Variants in DTNA observed in about 807,000 individuals in gnomAD.
DTNA encodes the protein dystrobrevin alpha.
DTNA carries 43 observed loss-of-function variants against 100.7 expected under a neutral mutation model. The observed-to-expected ratio is 0.43, with a 90% CI of 0.33 to 0.55. DTNA has a LOEUF of 0.55. DTNA is among the 20% of genes least tolerant of loss of function. DTNA has a pLI of 0.04. For synonymous variants in DTNA, 349 were observed against 347.9 expected (o/e 1.00, Z -0.04); for missense variants, 798 against 953.9 (o/e 0.84, Z 2.15).
chr18:34,827,191 G>C (rs2095877389), intron 9 of DTNA, among the ~76,000 whole-genome samples: 1 of 152,168 alleles, frequency 6.6e-6, no homozygotes, highest in Non-Finnish European at 1.5e-5. Flanking sequence ...ACCTTTCAAA[G>C]CCTCAGGAAT....
chr18:34,678,193 GA>G, intron 1 of DTNA, among the ~76,000 whole-genome samples: 1 of 152,134 alleles, frequency 6.6e-6, no homozygotes, highest in South Asian at 2.1e-4. Flanking sequence ...TCAAGGCGGG[GA>G]CACAGCAAAC....
chr18:34,698,215 G>C (rs1167516043), intron 1 of DTNA, among the ~76,000 whole-genome samples: 2 of 152,178 alleles, frequency 1.3e-5, no homozygotes, highest in East Asian at 3.9e-4. Flanking sequence ...TGAGTGAAGA[G>C]ACTTTTCCCA....
At chr18:34,576,341 A>G (rs1008492864) in intron 1 of DTNA, among the ~76,000 whole-genome samples, 1 of 152,260 alleles carries the variant, frequency 6.6e-6, no homozygotes, top group Non-Finnish European at 1.5e-5. Flanking sequence ...GCAATTGACA[A>G]TCAAGACAAA....
At chr18:34,881,290 G>A (rs909769933) in intron 20 of DTNA, among the ~76,000 whole-genome samples, 1 of 152,058 alleles carries the variant, frequency 6.6e-6, no homozygotes, top group Non-Finnish European at 1.5e-5. Context: ...GACTCTTTTA[G>A]TCCTATGATT....
intron 4 of DTNA, among the ~76,000 whole-genome samples, chr18:34,801,409 T>C (rs955236798): frequency 6.6e-5 from 10 of 152,194 alleles, no homozygotes; most frequent in African/African-American, 2.2e-4. Flanking sequence ...AAGACTATAA[T>C]GGAGAAAATG....
rs905349922 is a variant in DTNA, at chr18:34,639,830, T to C, written c.-1-116146T>C. On this transcript the variant is annotated intron_variant, in intron 1 of 19. Coordinates refer to the DTNA transcript ENST00000283365. ...CATGGAGTCTTAGTGCTTCTCTCTATTTAGAAATGAAGAGGGACTGCAAGC... is the reference window on the plus strand; with the variant it reads ...CATGGAGTCTTAGTGCTTCTCTCTACTTAGAAATGAAGAGGGACTGCAAGC... Among the ~76,000 whole-genome samples, 3 of 152,184 alleles carry C rather than the reference T, an allele frequency of 2.0e-5. No homozygotes were observed. In the East Asian group the frequency reaches 5.8e-4, roughly 29 times the overall value.
At chr18:34,539,053 T>C (rs1341097337) in intron 1 of DTNA, among the ~76,000 whole-genome samples, 1 of 152,032 alleles carries the variant, frequency 6.6e-6, no homozygotes, top group Admixed American at 6.6e-5. Context: ...ATATGTTAAA[T>C]GTCACAAGTA....
intron 1 of DTNA, among the ~76,000 whole-genome samples, chr18:34,698,542 A>G (rs1447381758): frequency 6.6e-6 from 1 of 152,144 alleles, no homozygotes; most frequent in Non-Finnish European, 1.5e-5. Flanking sequence ...TACAGATACT[A>G]GTTGTCTTAT....
intron 15 of DTNA, among the ~76,000 whole-genome samples, chr18:34,856,055 G>T (rs116429015): frequency 2.0e-5 from 3 of 152,120 alleles, no homozygotes; most frequent in South Asian, 4.1e-4. Flanking sequence ...TTTTTGGATC[G>T]CACTCTCTAA....
chr18:34,601,463 G>A (rs1253456810), intron 1 of DTNA, among the ~76,000 whole-genome samples: 1 of 152,070 alleles, frequency 6.6e-6, no homozygotes, highest in Non-Finnish European at 1.5e-5. Context: ...TGAGCCCAGC[G>A]TCTGGAGTCA....
intron 1 of DTNA, among the ~76,000 whole-genome samples, chr18:34,579,139 A>G (rs560581288): frequency 9.0e-4 from 137 of 152,246 alleles, no homozygotes; most frequent in African/African-American, 3.0e-3. Flanking sequence ...ATATTACAAA[A>G]ATAACCATGT....
intron 1 of DTNA, among the ~76,000 whole-genome samples, chr18:34,688,416 G>T (rs900142528): frequency 6.6e-6 from 1 of 152,198 alleles, no homozygotes; most frequent in Non-Finnish European, 1.5e-5. Context: ...AGTTTGGCTA[G>T]ATATGAAATT....
At chr18:34,666,111 A>T (rs1030927079) in intron 1 of DTNA, among the ~76,000 whole-genome samples, 1 of 152,206 alleles carries the variant, frequency 6.6e-6, no homozygotes, top group Non-Finnish European at 1.5e-5. Flanking sequence ...AATGATTGCT[A>T]TTCTAACTGG....
At chr18:34,846,070 A>G (rs1248185769) in intron 13 of DTNA, among the ~76,000 whole-genome samples, 1 of 151,968 alleles carries the variant, frequency 6.6e-6, no homozygotes, top group African/African-American at 2.4e-5. Context: ...TGTTTTCGAG[A>G]TCTTCTAGAT....
At chr18:34,539,996 A>G (rs1447001026) in intron 1 of DTNA, among the ~76,000 whole-genome samples, 2 of 151,924 alleles carry the variant, frequency 1.3e-5, no homozygotes, top group Non-Finnish European at 2.9e-5. Context: ...GTAATTAAAC[A>G]CAATACTAAA....
chr18:34,791,732 C>A (rs2094753178), intron 3 of DTNA, among the ~76,000 whole-genome samples: 1 of 152,110 alleles, frequency 6.6e-6, no homozygotes, highest in African/African-American at 2.4e-5. Flanking sequence ...TCATCTGCTC[C>A]AAATCAGAGA....
At chr18:34,630,293 C>A (rs949968991) in intron 1 of DTNA, among the ~76,000 whole-genome samples, 17 of 152,092 alleles carry the variant, frequency 1.1e-4, no homozygotes, top group Admixed American at 7.2e-4. Flanking sequence ...TCAGGCAGCC[C>A]ACCGCCCAGC....
intron 1 of DTNA, among the ~76,000 whole-genome samples, chr18:34,517,527 T>G (rs1478821285): frequency 6.6e-6 from 1 of 151,752 alleles, no homozygotes; most frequent in Non-Finnish European, 1.5e-5. Context: ...TGTAGCTTTG[T>G]ATAAATATCA....
intron 21 of DTNA, among the ~76,000 whole-genome samples, chr18:34,882,568 C>G (rs1314291353): frequency 6.6e-6 from 1 of 151,996 alleles, no homozygotes; most frequent in African/African-American, 2.4e-5. Flanking sequence ...AGGGGCTTCA[C>G]CATATTGGCC....
Sources: allele counts gnomAD v4.1 joint callset (sites outside exome capture counted in the v4.1 genomes callset), GRCh38; gene constraint gnomAD v4.1.1; transcripts MANE v1.5; gene names NCBI Gene and HGNC (gene_info 2026-07-23, HGNC 2026-07-21).